The following MORF4L1 variants were observed in gnomAD, a reference collection of about 807,000 sequenced individuals.
The protein encoded by MORF4L1 is mortality factor 4 like 1.
In MORF4L1, 4 loss-of-function variants were observed where a neutral mutation model predicts 52.9. The observed-to-expected ratio is 0.08, with a 90% CI of 0.04 to 0.17. The LOEUF is 0.17. Ranked by LOEUF, MORF4L1 falls within the 10% of genes least tolerant of loss-of-function variation. The pLI is 1.00. For missense variants in MORF4L1, 214 were observed against 390.4 expected (o/e 0.55, Z 3.81); for synonymous variants, 123 against 134.8 (o/e 0.91, Z 0.61).
chr15:78,876,128 G>A (rs1021925964), intron 1 of MORF4L1, among the ~76,000 whole-genome samples: 1 of 151,900 alleles, frequency 6.6e-6, no homozygotes, highest in African/African-American at 2.4e-5. Context: ...AGTAGAGACG[G>A]GGTTTCACCA....
Position 78,890,994 on chromosome 15 carries a change from C to A in MORF4L1, c.329C>A (p.Thr110Lys). Reference sequence around the variant, plus strand: ...TTTTTTTTCTCTCCTTTTAGGAAAACGAAAAAGAACAAACAGAAAAGTAAG... The same window carrying A: ...TTTTTTTTCTCTCCTTTTAGGAAAAAGAAAAAGAACAAACAGAAAAGTAAG... Reference protein sequence around the residue: ...GLQQKNVEVKTKKNKQKTPGN... With the variant: ...GLQQKNVEVKKKKNKQKTPGN... Residue 110 changes from threonine to lysine, a missense_variant, in exon 6 of 12, where the codon ACG becomes AAG. Transcript: ENST00000426013. 6.9e-7 allele frequency: 1 copy of A among 1,448,516 alleles called. No individual in the cohort carries two copies. The highest frequency in any genetic ancestry group is 9.3e-7 in the Non-Finnish European group (1 of 1,080,338). 89.7% of individuals were successfully genotyped at this position (1,448,516 alleles called of 1,614,324 possible).
At position 78,894,170 on chromosome 15, in the gene MORF4L1, G is replaced by C. The variant is rs780659311; in HGVS notation, c.742G>C (p.Asp248His). 6.2e-7 allele frequency: 1 copy of C among 1,614,060 alleles called. No individual in the cohort carries two copies. Among genetic ancestry groups the C allele is most frequent in the Non-Finnish European group, 8.5e-7 (1 of 1,179,988 alleles). Residue 248 changes from aspartate to histidine, a missense_variant, in exon 10 of 12, where the codon GAT becomes CAT. Asp to His is a moderately conservative substitution (Grantham distance 81, BLOSUM62 -1). Coordinates refer to ENST00000426013, the MANE Select transcript of MORF4L1 (RefSeq NM_006791.4). ...ACCACAGTATGCTGAAATTCTTGCA[G>C]ATCATCCCGATGCACCCATGTCCCA... ...ERPQYAEILA[D>H]HPDAPMSQVY...
chr15:78,892,821 G>C (rs1444960061), intron 8 of MORF4L1: 2 of 153,860 alleles, frequency 1.3e-5, no homozygotes, highest in African/African-American at 4.8e-5. Flanking sequence ...TTGAACAAAT[G>C]GCATAGGTAG....
chr15:78,877,156 T>A (rs944522057), intron 1 of MORF4L1, among the ~76,000 whole-genome samples: 1 of 130,868 alleles, frequency 7.6e-6, no homozygotes, highest in African/African-American at 2.9e-5. Flanking sequence ...GGCGGCTCCT[T>A]CTCACCCAGG....
intron 11 of MORF4L1, among the ~76,000 whole-genome samples, chr15:78,895,526 A>G (rs977127939): frequency 5.9e-5 from 9 of 152,254 alleles, no homozygotes; most frequent in African/African-American, 1.2e-4. Context: ...GGGCATTTTT[A>G]TAATAGTGAA....
intron 2 of MORF4L1, among the ~76,000 whole-genome samples, chr15:78,880,045 G>T (rs1005231686): frequency 6.6e-6 from 1 of 152,226 alleles, no homozygotes. Flanking sequence ...TTGTCTGGCT[G>T]CTTTTAAGAA....
At position 78,897,312 on chromosome 15, in the gene MORF4L1, A is replaced by G; in HGVS notation, c.*245A>G. 2.9e-6 allele frequency: 1 copy of G among 348,868 alleles called. No individual in the cohort carries two copies. The highest frequency in any genetic ancestry group is 3.4e-5 in the South Asian group (1 of 29,726). 21.6% of individuals were successfully genotyped at this position (348,868 alleles called of 1,614,324 possible). A position where few individuals can be genotyped will look rare whatever the true frequency, so the allele number is the denominator to read the frequency against. ...GATGGACAACAGAGGGATATGCTGT[A>G]GAGTGTTTTATTGCCTAGTTGACAA... On this transcript the variant is annotated 3_prime_UTR_variant, in exon 12 of 12. Coordinates refer to ENST00000426013, the MANE Select transcript of MORF4L1 (RefSeq NM_006791.4).
chr15:78,879,773 C>CA (rs10664763), intron 2 of MORF4L1, among the ~76,000 whole-genome samples: 4,872 of 124,588 alleles, frequency 0.039, 251 homozygotes, highest in African/African-American at 0.12. Flanking sequence ...CTGTCTCTAC[C>CA]AAAAAAAAAA....
intron 5 of MORF4L1, among the ~76,000 whole-genome samples, chr15:78,889,325 A>T (rs1398795712): frequency 6.6e-6 from 1 of 152,214 alleles, no homozygotes; most frequent in Non-Finnish European, 1.5e-5. Flanking sequence ...TTCGGACCAG[A>T]AGCGTTTCAG....
At chr15:78,894,489 A>G (rs764196189) in intron 10 of MORF4L1, 2 of 368,436 alleles carry the variant, frequency 5.4e-6, no homozygotes, top group Non-Finnish European at 4.9e-6. Flanking sequence ...GCTCACTGCA[A>G]CCTCCGCCTC....
Position 78,872,928 on chromosome 15 carries a change from G to T in MORF4L1, c.-90G>T, listed in dbSNP as rs1354543656. The T allele has an allele frequency of 4.6e-6, 7 of 1,511,016 alleles. No individual in the cohort carries two copies. In the East Asian group the frequency reaches 1.8e-4, roughly 39 times the overall value. The allele number at this position is 1,511,016 out of a possible 1,614,324, so 93.6% of individuals were successfully genotyped here. ...GATGTAGAGCTGGCAGTGCCTGACG[G>T]CGCGTCTGACGCGGAGTTGGGTGGG... is the stretch of plus-strand genomic sequence containing the variant. On this transcript the variant is annotated 5_prime_UTR_variant, in exon 1 of 12. Transcript: ENST00000426013.
intron 3 of MORF4L1, among the ~76,000 whole-genome samples, chr15:78,884,471 CTG>C (rs1445056531): frequency 6.6e-6 from 1 of 151,752 alleles, no homozygotes; most frequent in African/African-American, 2.4e-5. Flanking sequence ...GAAACCCTGT[CTG>C]TACTAAAAAT....
intron 2 of MORF4L1, 36 bp downstream of exon 2, chr15:78,878,295 AACT>A (rs1217115755): frequency 1.3e-6 from 2 of 1,596,556 alleles, no homozygotes; most frequent in Non-Finnish European, 1.7e-6. Context: ...AGTTGGCCAA[AACT>A]ACTGGTTAGA....
chr15:78,893,501 G>T, intron 8 of MORF4L1, 38 bp from the exon 9 acceptor site: 1 of 1,355,694 alleles, frequency 7.4e-7, no homozygotes, highest in South Asian at 1.2e-5. Context: ...CTTTAAAAAA[G>T]AGAGTGCTTA....
Position 78,872,951 on chromosome 15 carries a change from G to A in MORF4L1, c.-67G>A, listed in dbSNP as rs1301585059. ...CGGCGCGTCTGACGCGGAGTTGGGT[G>A]GGGTAGAGAGTAGGGGGCGGTAGTC... is the stretch of plus-strand genomic sequence containing the variant. On this transcript the variant is annotated 5_prime_UTR_variant, in exon 1 of 12. Coordinates refer to ENST00000426013, the MANE Select transcript of MORF4L1 (RefSeq NM_006791.4). The A allele has an allele frequency of 5.3e-5, 82 of 1,534,646 alleles. 1 individual carries two copies. The highest frequency in any genetic ancestry group is 3.4e-4 in the South Asian group (28 of 83,038).
intron 6 of MORF4L1, chr15:78,891,240 A>C: frequency 1.5e-6 from 1 of 672,678 alleles, no homozygotes; most frequent in Non-Finnish European, 2.6e-6. Context: ...AATGTCTCCC[A>C]CTGAGAAGAT....
rs956394082 is a variant in MORF4L1, at chr15:78,881,655, A to G, written c.155+1076A>G. Among the ~76,000 whole-genome samples the G allele has an allele frequency of 3.3e-5, 5 of 152,370 alleles. No individual in the cohort carries two copies. In the South Asian group the frequency reaches 8.3e-4, roughly 25 times the overall value. ...TTGGGCCTCACAAATAACCCTGTCT[A>G]AAAATTTACCCAAGTCTCCTATTTG... is the stretch of plus-strand genomic sequence containing the variant. On this transcript the variant is annotated intron_variant, in intron 3 of 11. Coordinates refer to ENST00000426013, the MANE Select transcript of MORF4L1 (RefSeq NM_006791.4).
At position 78,886,265 on chromosome 15, in the gene MORF4L1, G is replaced by T. The variant is rs774341367; in HGVS notation, c.242+38G>T. ...TGTGAACTGAATATTAAGGAGAAATGCCTGTAGATTAATTCTGGACATGGA... is the reference window on the plus strand; with the variant it reads ...TGTGAACTGAATATTAAGGAGAAATTCCTGTAGATTAATTCTGGACATGGA... On this transcript the variant is annotated intron_variant, in intron 4 of 11. Coordinates refer to ENST00000426013, the MANE Select transcript of MORF4L1 (RefSeq NM_006791.4). 1.1e-5 allele frequency: 17 copies of T among 1,502,790 alleles called. No individual in the cohort carries two copies. The African/African-American group carries it at 1.8e-4, about 16-fold the overall frequency. 93.1% of individuals were successfully genotyped at this position (1,502,790 alleles called of 1,614,324 possible). A position where few individuals can be genotyped will look rare whatever the true frequency, so the allele number is the denominator to read the frequency against.
chr15:78,895,552 AC>A (rs2056872987), intron 11 of MORF4L1, among the ~76,000 whole-genome samples: 1 of 152,216 alleles, frequency 6.6e-6, no homozygotes, highest in African/African-American at 2.4e-5. Flanking sequence ...TGAAACAAGC[AC>A]TTATTAAAAG....
Sources: gnomAD v4.1 joint callset for allele counts (sites outside exome capture counted in the v4.1 genomes callset) on GRCh38, gnomAD v4.1.1 for gene constraint, MANE v1.5 for transcripts, NCBI Gene and HGNC (gene_info 2026-07-23, HGNC 2026-07-21) for gene names.